The following TMEM117 variants were observed in gnomAD, a reference collection of about 807,000 sequenced individuals.
TMEM117 encodes the protein transmembrane protein 117.
In TMEM117, 27 loss-of-function variants were observed where a neutral mutation model predicts 52.4. That is an observed-to-expected ratio of 0.51 (90% CI 0.38 to 0.71). The LOEUF (loss-of-function observed/expected upper bound fraction) is 0.71, where lower values mean the gene tolerates loss of function less well. Among genes scored for constraint, TMEM117 ranks in the 30% least tolerant of loss-of-function variants. The pLI, the probability that TMEM117 is intolerant of heterozygous loss-of-function variation, is 0.00. For synonymous variants in TMEM117, 215 were observed against 206.3 expected (o/e 1.04, Z -0.36); for missense variants, 556 against 630.5 (o/e 0.88, Z 1.26).
the TMEM117 span, among the ~76,000 whole-genome samples, chr12:43,822,428 G>C: frequency 6.7e-6 from 1 of 150,212 alleles, no homozygotes; most frequent in Admixed American, 6.6e-5. Context: ...AAATTAATTT[G>C]TGTAATTTTA....
intron 3 of TMEM117, among the ~76,000 whole-genome samples, chr12:44,135,567 T>A (rs971942664): frequency 1.3e-5 from 2 of 151,888 alleles, no homozygotes; most frequent in Non-Finnish European, 2.9e-5. Flanking sequence ...TGGGAAATAG[T>A]GTTGAGTAGC....
At chr12:44,371,017 A>G (rs1368209636) in intron 6 of TMEM117, among the ~76,000 whole-genome samples, 1 of 152,162 alleles carries the variant, frequency 6.6e-6, no homozygotes, top group South Asian at 2.1e-4. Flanking sequence ...TATTCGGCCA[A>G]GTGATACTAG....
intron 2 of TMEM117, among the ~76,000 whole-genome samples, chr12:43,937,318 A>G (rs1020162027): frequency 1.3e-5 from 2 of 152,186 alleles, no homozygotes; most frequent in African/African-American, 4.8e-5. Flanking sequence ...ATTGACAAGG[A>G]TAGGGAAAGG....
intron 3 of TMEM117, among the ~76,000 whole-genome samples, chr12:43,945,951 A>G (rs1455897425): frequency 2.0e-5 from 3 of 152,234 alleles, no homozygotes; most frequent in African/African-American, 7.2e-5. Context: ...GGAGATGAAT[A>G]GCAAAGGGAA....
At chr12:44,144,868 T>C (rs572270113) in intron 4 of TMEM117, among the ~76,000 whole-genome samples, 1 of 152,298 alleles carries the variant, frequency 6.6e-6, no homozygotes, top group Non-Finnish European at 1.5e-5. Context: ...AGAATTTTCT[T>C]TTTTCTGGGC....
intron 3 of TMEM117, among the ~76,000 whole-genome samples, chr12:44,026,283 C>T (rs1232810972): frequency 6.6e-6 from 1 of 152,156 alleles, no homozygotes; most frequent in African/African-American, 2.4e-5. Flanking sequence ...TTTTATACTC[C>T]TGCTGCTCTG....
intron 2 of TMEM117, among the ~76,000 whole-genome samples, chr12:43,917,316 G>A (rs145698655): frequency 4.5e-4 from 68 of 151,662 alleles, no homozygotes; most frequent in African/African-American, 1.5e-3. Context: ...CAGGAGGATC[G>A]CTTGAGCTCA....
intron 5 of TMEM117, among the ~76,000 whole-genome samples, chr12:44,237,402 C>CA (rs1950010608): frequency 6.6e-6 from 1 of 151,978 alleles, no homozygotes; most frequent in African/African-American, 2.4e-5. Context: ...ATATACCCCC[C>CA]ATTAGTCTGC....
chr12:44,204,807 A>C (rs1382890992), intron 4 of TMEM117, among the ~76,000 whole-genome samples: 1 of 152,114 alleles, frequency 6.6e-6, no homozygotes, highest in East Asian at 1.9e-4. Context: ...TGGGGAGGGG[A>C]CTCCCTATTC....
chr12:44,091,219 A>G (rs1302442466), intron 3 of TMEM117, among the ~76,000 whole-genome samples: 1 of 152,180 alleles, frequency 6.6e-6, no homozygotes, highest in Non-Finnish European at 1.5e-5. Context: ...ATTTGCTATC[A>G]TGAGAATAAC....
chr12:44,184,511 A>C (rs560863934), intron 4 of TMEM117, among the ~76,000 whole-genome samples: 4 of 152,162 alleles, frequency 2.6e-5, no homozygotes, highest in African/African-American at 9.6e-5. Context: ...GATTCAAAGC[A>C]TGAAAGGGAG....
intron 3 of TMEM117, among the ~76,000 whole-genome samples, chr12:43,981,298 A>G (rs1945756131): frequency 6.6e-6 from 1 of 152,170 alleles, no homozygotes; most frequent in African/African-American, 2.4e-5. Context: ...GAATTGTTCA[A>G]TCTGGGTTTT....
At chr12:44,170,787 A>G (rs917317652) in intron 4 of TMEM117, among the ~76,000 whole-genome samples, 3 of 152,188 alleles carry the variant, frequency 2.0e-5, no homozygotes, top group African/African-American at 7.2e-5. Flanking sequence ...TAGTCTGACA[A>G]AACAGTTGCA....
At chr12:43,925,160 T>G (rs910449097) in intron 2 of TMEM117, among the ~76,000 whole-genome samples, 3 of 152,114 alleles carry the variant, frequency 2.0e-5, no homozygotes, top group Non-Finnish European at 4.4e-5. Flanking sequence ...AACCTACCCT[T>G]GGAAGTTCCT....
intron 3 of TMEM117, among the ~76,000 whole-genome samples, chr12:44,118,751 T>C (rs1262943897): frequency 2.2e-5 from 3 of 134,884 alleles, no homozygotes; most frequent in African/African-American, 3.8e-5. Flanking sequence ...CCTCTACTTT[T>C]CAGGCAGGGT....
intron 6 of TMEM117, among the ~76,000 whole-genome samples, chr12:44,302,180 A>G (rs867016406): frequency 1.3e-5 from 2 of 152,072 alleles, no homozygotes; most frequent in African/African-American, 2.4e-5. Flanking sequence ...CATATGCCCT[A>G]TGCAGCTCTT....
chr12:44,328,524 A>G (rs1951225707), intron 6 of TMEM117, among the ~76,000 whole-genome samples: 1 of 152,198 alleles, frequency 6.6e-6, no homozygotes, highest in African/African-American at 2.4e-5. Context: ...CTACTTTTAG[A>G]AAATTAGTGT....
At chr12:44,243,614 CTTAT>C (rs145158962) in intron 5 of TMEM117, among the ~76,000 whole-genome samples, 2,878 of 151,898 alleles carry the variant, frequency 0.019, 79 homozygotes, top group African/African-American at 0.066. Flanking sequence ...ATTTCACACA[CTTAT>C]TTCTTTGTGA....
intron 6 of TMEM117, among the ~76,000 whole-genome samples, chr12:44,354,858 A>G (rs1006329753): frequency 6.6e-6 from 1 of 151,998 alleles, no homozygotes; most frequent in Non-Finnish European, 1.5e-5. Flanking sequence ...AATTCGGAAA[A>G]CAATTTTTAG....
Sources: gnomAD v4.1 joint callset for allele counts (sites outside exome capture counted in the v4.1 genomes callset) on GRCh38, gnomAD v4.1.1 for gene constraint, MANE v1.5 for transcripts, NCBI Gene and HGNC (gene_info 2026-07-23, HGNC 2026-07-21) for gene names.